PCDHGB1: variants seen among roughly 807,000 people sequenced by gnomAD.
PCDHGB1 encodes the protein protocadherin gamma-B1.
PCDHGB1 carries 34 observed loss-of-function variants against 56.6 expected under a neutral mutation model. The ratio of observed to expected loss-of-function variants is 0.60; its 90% CI spans 0.46 to 0.80. The LOEUF is 0.80. Among genes scored for constraint, PCDHGB1 ranks in the 30% least tolerant of loss-of-function variants. The pLI, the probability that PCDHGB1 is intolerant of heterozygous loss-of-function variation, is 0.00. For missense variants in PCDHGB1, 1,278 were observed against 1,204.6 expected (o/e 1.06, Z -0.90); for synonymous variants, 561 against 505.9 (o/e 1.11, Z -1.46).
Position 141,451,083 on chromosome 5 carries a change from C to T in PCDHGB1, c.2410-43724C>T, listed in dbSNP as rs192869194. On this transcript the variant is annotated intron_variant, in intron 1 of 3. Coordinates refer to ENST00000523390, the MANE Select transcript of PCDHGB1 (RefSeq NM_018922.3). The stretch of plus-strand genomic sequence containing the variant: ...GACCTTGTGATCCACCCACCTTGAC[C>T]TCCCAAAGTGTTGGGATTACAGGCG... 4.9e-4 allele frequency among the ~76,000 whole-genome samples: 75 copies of T among 152,174 alleles called. 3 individuals carry two copies. In the East Asian group the frequency reaches 0.014, roughly 29 times the overall value.
intron 1 of PCDHGB1, among the ~76,000 whole-genome samples, chr5:141,380,425 G>A (rs1383419124): frequency 1.3e-5 from 2 of 152,192 alleles, no homozygotes; most frequent in Non-Finnish European, 1.5e-5. Context: ...AAGCCAAATA[G>A]ACTTTACATA....
At position 141,351,769 on chromosome 5, in the gene PCDHGB1, G is replaced by A. The variant is rs549456663; in HGVS notation, c.1509G>A (p.Val503=). The change falls in exon 1 of 4, where the codon GTG becomes GTA. Residue 503 remains valine, a synonymous_variant. Transcript: ENST00000523390. The part of the protein sequence containing the change: ...EPRELLSYVS[V]SPQSGVVFAQ... ...GGGAGCTGTTGTCCTACGTGTCCGT[G>A]AGCCCGCAGAGCGGGGTGGTGTTCG... is the stretch of plus-strand genomic sequence containing the variant. 2.3e-4 allele frequency: 371 copies of A among 1,613,496 alleles called. 3 individuals are homozygous for A. In the East Asian group the frequency reaches 7.5e-3, roughly 32 times the overall value.
chr5:141,367,008 A>G (rs1359337348), intron 1 of PCDHGB1: 3 of 436,014 alleles, frequency 6.9e-6, no homozygotes, highest in Admixed American at 4.1e-5. Flanking sequence ...CATTTTACCC[A>G]AATATTTTGT....
intron 1 of PCDHGB1, chr5:141,365,323 T>C (rs1307889489): frequency 6.2e-7 from 1 of 1,613,858 alleles, no homozygotes; most frequent in African/African-American, 1.3e-5. Flanking sequence ...TTGCCAGCGC[T>C]AAGGTGGTGG....
chr5:141,403,213 G>A (rs1314899957), intron 1 of PCDHGB1: 1 of 1,613,970 alleles, frequency 6.2e-7, no homozygotes, highest in Non-Finnish European at 8.5e-7. Flanking sequence ...TGGTCACCGC[G>A]GGTAGGATAG....
chr5:141,425,057 C>T (rs926732426), intron 1 of PCDHGB1, among the ~76,000 whole-genome samples: 4 of 152,026 alleles, frequency 2.6e-5, no homozygotes, highest in African/African-American at 4.8e-5. Flanking sequence ...ATCTAGGGCT[C>T]GGACAAAAAT....
chr5:141,365,359 T>C, intron 1 of PCDHGB1: 1 of 1,613,920 alleles, frequency 6.2e-7, no homozygotes, highest in South Asian at 1.1e-5. Context: ...TGAATGACAA[T>C]GCCCCCGAAG....
rs766227340 is a variant in PCDHGB1, at chr5:141,476,791, C to T, written c.2410-18016C>T. On this transcript the variant is annotated intron_variant, in intron 1 of 3. Transcript: ENST00000523390. The surrounding 1 kb of genome is among the most constrained non-coding windows in gnomAD (Gnocchi z 7.6). ...TGGACGGAGGGACCCCAGCTCTCTCCGCCAGCCTGCCTATTCACATCAAGG... is the reference window on the plus strand; with the variant it reads ...TGGACGGAGGGACCCCAGCTCTCTCTGCCAGCCTGCCTATTCACATCAAGG... 5.6e-6 allele frequency: 9 copies of T among 1,613,394 alleles called. No homozygotes were observed. Among genetic ancestry groups the T allele is most frequent in the Middle Eastern group, 1.6e-4 (1 of 6,084 alleles).
chr5:141,384,576 G>GCCCGAGAT (rs1429173266), intron 1 of PCDHGB1: 3 of 1,614,060 alleles, frequency 1.9e-6, no homozygotes, highest in Non-Finnish European at 2.5e-6. Context: ...ATGACAACCC[G>GCCCGAGAT]CCCGAGATCC....
chr5:141,403,073 A>G (rs920382925), intron 1 of PCDHGB1: 4 of 1,614,056 alleles, frequency 2.5e-6, no homozygotes, highest in Non-Finnish European at 3.4e-6. Context: ...AGAGACAGAA[A>G]AGGGCTATAT....
rs376892761 is a variant in PCDHGB1, at chr5:141,375,904, C to T, written c.2409+23235C>T. On this transcript the variant is annotated intron_variant, in intron 1 of 3. Transcript: ENST00000523390. ...GCCAGAACGCCTGGCTGTCCTACCG[C>T]CTGCTCAAGGCCAGCGAGCCAGGAC... The T allele has an allele frequency of 2.5e-5, 41 of 1,613,756 alleles. No homozygotes were observed. In the South Asian group the frequency reaches 2.6e-4, roughly 10 times the overall value.
chr5:141,397,223 TATG>T lies in PCDHGB1; in HGVS notation c.2409+44556_2409+44558del, dbSNP rs543267212. ...ATGACATAAGAGAAGTATTTTGAGA[TATG>T]AAGAAGAGCAACGTAGTAGGGTATA... is the stretch of plus-strand genomic sequence containing the variant. On this transcript the variant is annotated intron_variant, in intron 1 of 3. Coordinates refer to ENST00000523390, the MANE Select transcript of PCDHGB1 (RefSeq NM_018922.3). Among the ~76,000 whole-genome samples, 432 of 152,304 alleles carry T rather than the reference TATG, an allele frequency of 2.8e-3. 2 individuals carry two copies. Among genetic ancestry groups the T allele is most frequent in the Admixed American group, 9.4e-3 (144 of 15,310 alleles).
chr5:141,457,798 C>T (rs1233396158), intron 1 of PCDHGB1, among the ~76,000 whole-genome samples: 5 of 152,194 alleles, frequency 3.3e-5, no homozygotes, highest in African/African-American at 9.6e-5. Context: ...GTTATCCTCT[C>T]CTCTTGAGGT....
At chr5:141,360,333 G>T (rs759219766) in intron 1 of PCDHGB1, 1 of 1,613,972 alleles carries the variant, frequency 6.2e-7, no homozygotes, top group East Asian at 2.2e-5. Context: ...CCCGGAAGCT[G>T]CGGGTTAGCG....
At chr5:141,504,450 T>C (rs931613781) in intron 2 of PCDHGB1, among the ~76,000 whole-genome samples, 1 of 151,918 alleles carries the variant, frequency 6.6e-6, no homozygotes, top group Non-Finnish European at 1.5e-5. Context: ...ACTAGTGCCA[T>C]GTGGGGCAGC....
chr5:141,413,725 C>A, intron 1 of PCDHGB1: 1 of 1,613,546 alleles, frequency 6.2e-7, no homozygotes, highest in Non-Finnish European at 8.5e-7. Flanking sequence ...GCACTTCTCC[C>A]TAAGAGTTCA....
At position 141,489,193 on chromosome 5, in the gene PCDHGB1, G is replaced by A; in HGVS notation, c.2410-5614G>A. The A allele has an allele frequency of 2.2e-6, 3 of 1,369,230 alleles. No individual in the cohort carries two copies. Among genetic ancestry groups the A allele is most frequent in the Non-Finnish European group, 3.0e-6 (3 of 1,000,290 alleles). 84.8% of individuals were successfully genotyped at this position (1,369,230 alleles called of 1,614,324 possible). On this transcript the variant is annotated intron_variant, in intron 1 of 3. Coordinates refer to ENST00000523390, the MANE Select transcript of PCDHGB1 (RefSeq NM_018922.3). The surrounding 1 kb of genome is among the most constrained non-coding windows in gnomAD (Gnocchi z 4.5). ...GCATTCCAAGCCCTGGGTCTACCTT[G>A]GAGACAGGACAGCACAGACTTACTC...
intron 1 of PCDHGB1, among the ~76,000 whole-genome samples, chr5:141,460,344 A>G (rs930557610): frequency 7.2e-5 from 11 of 152,060 alleles, no homozygotes; most frequent in African/African-American, 2.2e-4. Context: ...ATTTTCTCCT[A>G]TATTTTCTTT....
chr5:141,447,058 G>A (rs1356080567), intron 1 of PCDHGB1, among the ~76,000 whole-genome samples: 1 of 152,068 alleles, frequency 6.6e-6, no homozygotes, highest in Non-Finnish European at 1.5e-5. Flanking sequence ...ATTAAAATGT[G>A]TCAGGCTGTT....
Sources: allele counts gnomAD v4.1 joint callset (sites outside exome capture counted in the v4.1 genomes callset), GRCh38; gene constraint gnomAD v4.1.1; non-coding constraint Gnocchi (gnomAD v3.1); transcripts MANE v1.5; gene names NCBI Gene and HGNC (gene_info 2026-07-23, HGNC 2026-07-21).